The following PTPRR variants were observed in gnomAD, a reference collection of about 807,000 sequenced individuals.
PTPRR encodes the protein receptor-type tyrosine-protein phosphatase R.
A neutral mutation model predicts 77.2 loss-of-function variants in PTPRR; 38 were observed. The ratio of observed to expected loss-of-function variants is 0.49; its 90% CI spans 0.38 to 0.65. The LOEUF is 0.65. Among genes scored for constraint, PTPRR ranks in the 30% least tolerant of loss-of-function variants. The pLI is 0.00. For missense variants in PTPRR, 744 were observed against 799.2 expected (o/e 0.93, Z 0.83); for synonymous variants, 299 against 283.1 (o/e 1.06, Z -0.57).
chr12:70,720,245 A>G (rs913625356), intron 6 of PTPRR, among the ~76,000 whole-genome samples: 3 of 152,284 alleles, frequency 2.0e-5, no homozygotes, highest in Admixed American at 6.5e-5. Flanking sequence ...CTCGAATCCT[A>G]TCTCTGCAGT....
chr12:70,729,081 C>T (rs1406823791), intron 6 of PTPRR, among the ~76,000 whole-genome samples: 2 of 151,896 alleles, frequency 1.3e-5, no homozygotes, highest in Non-Finnish European at 2.9e-5. Flanking sequence ...GCGACCTGGA[C>T]CAGGGAGACT....
At chr12:70,803,086 T>C (rs1891645134) in intron 2 of PTPRR, among the ~76,000 whole-genome samples, 1 of 152,170 alleles carries the variant, frequency 6.6e-6, no homozygotes, top group Non-Finnish European at 1.5e-5. Context: ...AGAAAGAATA[T>C]TTACCATATC....
chr12:70,719,346 A>C (rs1312282170), intron 6 of PTPRR, among the ~76,000 whole-genome samples: 1 of 152,076 alleles, frequency 6.6e-6, no homozygotes, highest in African/African-American at 2.4e-5. Flanking sequence ...AAAGTTCACG[A>C]ATGCAAACTT....
chr12:70,705,099 C>T (rs112604947), intron 6 of PTPRR, among the ~76,000 whole-genome samples: 145 of 152,190 alleles, frequency 9.5e-4, no homozygotes, highest in African/African-American at 2.9e-3. Context: ...CAATAAACAG[C>T]ATGCTAATTA....
intron 2 of PTPRR, among the ~76,000 whole-genome samples, chr12:70,881,363 C>T (rs529755651): frequency 6.6e-6 from 1 of 152,160 alleles, no homozygotes; most frequent in East Asian, 1.9e-4. Flanking sequence ...TCTCTAAGTC[C>T]TTCAGGCTGT....
chr12:70,822,699 C>T (rs957720332), intron 2 of PTPRR, among the ~76,000 whole-genome samples: 2 of 152,154 alleles, frequency 1.3e-5, no homozygotes, highest in African/African-American at 2.4e-5. Context: ...ATCACTCTAT[C>T]CATCAATATC....
chr12:70,797,025 T>C (rs957003423), intron 2 of PTPRR, among the ~76,000 whole-genome samples: 1 of 152,062 alleles, frequency 6.6e-6, no homozygotes, highest in African/African-American at 2.4e-5. Flanking sequence ...CTAAAAAAAA[T>C]TGTCTAAACA....
At chr12:70,784,110 C>T (rs1228216128) in intron 2 of PTPRR, among the ~76,000 whole-genome samples, 6 of 152,158 alleles carry the variant, frequency 3.9e-5, no homozygotes, top group Non-Finnish European at 5.9e-5. Flanking sequence ...AGGGTTCCTG[C>T]TTGCTCGGTG....
intron 6 of PTPRR, among the ~76,000 whole-genome samples, chr12:70,729,354 ATCTATC>A (rs1889574418): frequency 2.6e-5 from 3 of 114,416 alleles, no homozygotes; most frequent in Admixed American, 9.5e-5. Flanking sequence ...CTATCTATCT[ATCTATC>A]TATCTGAGTA....
rs534014198 is a variant in PTPRR, at chr12:70,759,780, T to A, written c.627+1691A>T. 2.7e-5 allele frequency among the ~76,000 whole-genome samples: 4 copies of A among 149,842 alleles called. No individual in the cohort carries two copies. The East Asian group carries it at 7.9e-4, about 30-fold the overall frequency. On this transcript the variant is annotated intron_variant, in intron 4 of 13. Transcript: ENST00000283228. ...AGGAGAGAATATGGTGTATCATAGA[T>A]CTATCGAGTTTAGAATTGCTGAAAT...
At chr12:70,887,313 G>A (rs983065410) in intron 2 of PTPRR, among the ~76,000 whole-genome samples, 3 of 152,016 alleles carry the variant, frequency 2.0e-5, no homozygotes, top group Non-Finnish European at 4.4e-5. Context: ...TTAGCTGGGC[G>A]TGGTGGTCCG....
At chr12:70,673,726 C>A (rs903211796) in intron 10 of PTPRR, among the ~76,000 whole-genome samples, 1 of 151,986 alleles carries the variant, frequency 6.6e-6, no homozygotes, top group Non-Finnish European at 1.5e-5. Context: ...AAAATTCAAA[C>A]CAAAGTGGGC....
At chr12:70,697,534 G>T (rs1888271541) in intron 8 of PTPRR, among the ~76,000 whole-genome samples, 1 of 152,026 alleles carries the variant, frequency 6.6e-6, no homozygotes, top group Non-Finnish European at 1.5e-5. Flanking sequence ...TTCCTTGAAG[G>T]TATCCTTTGA....
intron 2 of PTPRR, among the ~76,000 whole-genome samples, chr12:70,829,641 C>G (rs1246329432): frequency 6.6e-6 from 1 of 152,178 alleles, no homozygotes; most frequent in Non-Finnish European, 1.5e-5. Context: ...TCTCTTCTCT[C>G]TGCATGGCAC....
At chr12:70,750,908 T>TC (rs923617892) in intron 5 of PTPRR, among the ~76,000 whole-genome samples, 2 of 119,168 alleles carry the variant, frequency 1.7e-5, no homozygotes, top group African/African-American at 6.4e-5. Context: ...TTTAAACCCT[T>TC]TTTTTTTTTT....
intron 1 of PTPRR, among the ~76,000 whole-genome samples, chr12:70,912,911 T>C (rs1177465893): frequency 6.6e-6 from 1 of 152,146 alleles, no homozygotes; most frequent in Non-Finnish European, 1.5e-5. Context: ...ACTCTAAGTG[T>C]GTCAGCATTT....
chr12:70,785,508 G>C (rs904304777), intron 2 of PTPRR, among the ~76,000 whole-genome samples: 2 of 152,102 alleles, frequency 1.3e-5, no homozygotes, highest in Non-Finnish European at 2.9e-5. Flanking sequence ...ACAATTTTGA[G>C]TAAGCCCCTA....
At chr12:70,639,377 C>A in intron 13 of PTPRR, 100 bp from the exon 14 acceptor site, 1 of 1,453,156 alleles carries the variant, frequency 6.9e-7, no homozygotes. Context: ...GCCAAAGACA[C>A]ATAGAACAGT....
chr12:70,806,677 G>A (rs542425085), intron 2 of PTPRR, among the ~76,000 whole-genome samples: 21 of 152,192 alleles, frequency 1.4e-4, no homozygotes, highest in South Asian at 1.0e-3. Flanking sequence ...CAGACATGCC[G>A]TGCCATTTTT....
Sources: gnomAD v4.1 joint callset for allele counts (sites outside exome capture counted in the v4.1 genomes callset) on GRCh38, gnomAD v4.1.1 for gene constraint, MANE v1.5 for transcripts, NCBI Gene and HGNC (gene_info 2026-07-23, HGNC 2026-07-21) for gene names.